The following LRRK2 variants were observed in gnomAD, a reference collection of about 807,000 sequenced individuals.
The protein encoded by LRRK2 is leucine-rich repeat serine/threonine-protein kinase 2.
LRRK2 carries 203 observed loss-of-function variants against 302.6 expected under a neutral mutation model. The observed-to-expected ratio is 0.67, with a 90% CI of 0.60 to 0.75. The LOEUF is 0.75. Among genes scored for constraint, LRRK2 ranks in the 30% least tolerant of loss-of-function variants. The probability of loss-of-function intolerance (pLI) is 0.00; values close to 1 mark genes in which losing one functional copy is unlikely to be tolerated. For missense variants in LRRK2, 2,830 were observed against 2,951.0 expected, an observed-to-expected ratio of 0.96 and a Z score of 0.95; for synonymous variants, 1,066 against 1,031.9, an observed-to-expected ratio of 1.03 and a Z score of -0.63.
intron 29 of LRRK2, 145 bp from the exon 30 acceptor site, chr12:40,308,961 A>G (rs1301065720): frequency 2.0e-6 from 2 of 1,012,180 alleles, no homozygotes; most frequent in Non-Finnish European, 2.9e-6. Flanking sequence ...AAAACCCAGA[A>G]TAGTTCTCTA....
intron 2 of LRRK2, among the ~76,000 whole-genome samples, chr12:40,227,435 A>T (rs1383599854): frequency 2.0e-5 from 3 of 152,150 alleles, no homozygotes; most frequent in Non-Finnish European, 4.4e-5. Flanking sequence ...TGTACACATT[A>T]ACCACCTTCT....
At chr12:40,308,964 G>A (rs895050790) in intron 29 of LRRK2, 142 bp from the exon 30 acceptor site, 9 of 1,028,960 alleles carry the variant, frequency 8.7e-6, no homozygotes, top group Non-Finnish European at 1.3e-5. Flanking sequence ...ACCCAGAATA[G>A]TTCTCTAAAC....
Position 40,257,289 on chromosome 12 carries a change from A to G in LRRK2, c.1330A>G (p.Asn444Asp). The G allele has an allele frequency of 6.3e-7, 1 of 1,596,948 alleles. No homozygotes were observed. The highest frequency in any genetic ancestry group is 8.6e-7 in the Non-Finnish European group (1 of 1,164,622). The change falls in exon 12 of 51, where the codon AAT becomes GAT. Residue 444 changes from asparagine to aspartate, a missense_variant. Physicochemically the swap from Asn to Asp is conservative, Grantham distance 23 (BLOSUM62 1). Around this residue, in one of 3 missense-constraint regions of LRRK2, gnomAD observed 2,121 missense variants for 2,148.0 expected, o/e 0.99. Coordinates refer to ENST00000298910, the MANE Select transcript of LRRK2 (RefSeq NM_198578.4). ...ACTGTTATCAAAAGGAATACACCTG[A>G]ATGTTTTGGAGTTAATGCAGAAGCA... Reference protein sequence around the residue: ...KILLSKGIHLNVLELMQKHIH... With the variant: ...KILLSKGIHLDVLELMQKHIH...
intron 48 of LRRK2, among the ~76,000 whole-genome samples, chr12:40,364,494 C>G (rs1041477353): frequency 6.6e-6 from 1 of 150,522 alleles, no homozygotes; most frequent in Non-Finnish European, 1.5e-5. Flanking sequence ...ATTGAGACTT[C>G]ATGTAAAACT....
chr12:40,319,191 T>C (rs1220496877), intron 33 of LRRK2, among the ~76,000 whole-genome samples: 1 of 152,144 alleles, frequency 6.6e-6, no homozygotes, highest in East Asian at 1.9e-4. Flanking sequence ...ATTTGTCATA[T>C]GTACTTTGCG....
At chr12:40,243,787 T>A (rs961381073) in intron 7 of LRRK2, 106 bp downstream of exon 7, 16 of 1,081,190 alleles carry the variant, frequency 1.5e-5, no homozygotes, top group Non-Finnish European at 1.8e-5. Flanking sequence ...TGACATACTT[T>A]GAATGAAAAT....
chr12:40,247,127 T>C (rs1387806080), intron 7 of LRRK2, among the ~76,000 whole-genome samples: 1 of 152,172 alleles, frequency 6.6e-6, no homozygotes, highest in East Asian at 1.9e-4. Flanking sequence ...AAAAAACTAA[T>C]TGACATGTCT....
chr12:40,314,093 T>C lies in LRRK2; in HGVS notation c.4658T>C (p.Leu1553Ser). 6.2e-7 allele frequency: 1 copy of C among 1,612,824 alleles called. No individual in the cohort carries two copies. The highest frequency in any genetic ancestry group is 8.5e-7 in the Non-Finnish European group (1 of 1,179,074). Residue 1553 changes from leucine to serine, a missense_variant, in exon 32 of 51, where the codon TTA becomes TCA. Physicochemically the swap from Leu to Ser is moderately radical, Grantham distance 145 (BLOSUM62 -2). Coordinates refer to ENST00000298910, the MANE Select transcript of LRRK2 (RefSeq NM_198578.4). ...IEFPVIDRKR[L>S]LQLVRENQLQ... is the part of the protein sequence containing the mutation. ...TTTCCCGTAATTGACCGGAAACGAT[T>C]ATTACAACTAGTGAGAGAAAATCAG...
chr12:40,281,085 A>C (rs1199047861), intron 18 of LRRK2, among the ~76,000 whole-genome samples: 1 of 151,788 alleles, frequency 6.6e-6, no homozygotes, highest in African/African-American at 2.4e-5. Context: ...AAAAAAACAA[A>C]AAACGAACCA....
At chr12:40,326,265 C>A (rs1438538578) in intron 38 of LRRK2, among the ~76,000 whole-genome samples, 1 of 151,966 alleles carries the variant, frequency 6.6e-6, no homozygotes, top group East Asian at 1.9e-4. Flanking sequence ...GAGATCGAGA[C>A]CATCCTGGCT....
intron 38 of LRRK2, among the ~76,000 whole-genome samples, 178 bp from the exon 39 acceptor site, chr12:40,328,182 A>G (rs916060013): frequency 6.6e-6 from 1 of 152,256 alleles, no homozygotes; most frequent in Non-Finnish European, 1.5e-5. Context: ...AAATCTTTAC[A>G]TATATCTTTC....
chr12:40,237,359 A>G (rs909789589), intron 4 of LRRK2, among the ~76,000 whole-genome samples: 1 of 152,250 alleles, frequency 6.6e-6, no homozygotes, highest in South Asian at 2.1e-4. Flanking sequence ...CTGTAGAGCA[A>G]TTAAGCAACT....
chr12:40,349,746 G>A (rs757940438), intron 43 of LRRK2, among the ~76,000 whole-genome samples: 4 of 152,094 alleles, frequency 2.6e-5, no homozygotes, highest in African/African-American at 4.8e-5. Context: ...TGAACTCCTG[G>A]CCTCAAGCAA....
chr12:40,294,860 C>T lies in LRRK2; in HGVS notation c.2824C>T (p.His942Tyr), dbSNP rs1944317504. ...TTTTTAATAGGGGCCCATTTTTGAT[C>T]ATGAAGATTTACTGAAGCGAAAAAG... ...HSNSLGPIFD[H>Y]EDLLKRKRKI... Residue 942 changes from histidine (H) to tyrosine (Y), a missense_variant, in exon 22 of 51, where the codon CAT becomes TAT. Physicochemically the swap from His to Tyr is moderately conservative, Grantham distance 83. Transcript: ENST00000298910. 1.3e-6 allele frequency: 2 copies of T among 1,544,456 alleles called. No individual in the cohort carries two copies. Among genetic ancestry groups the T allele is most frequent in the African/African-American group, 2.7e-5 (2 of 73,622 alleles).
chr12:40,364,825 A>G lies in LRRK2; in HGVS notation c.7182-17A>G. On this transcript the variant is annotated splice_polypyrimidine_tract_variant and intron_variant, in intron 48 of 50. Coordinates refer to ENST00000298910, the MANE Select transcript of LRRK2 (RefSeq NM_198578.4). ...TAATTGGTGGTAAAATTATTAATGT[A>G]TACTTTATGGTTCTAGGGAGGTAAT... is the stretch of plus-strand genomic sequence containing the variant. 2 of 1,564,370 alleles carry G rather than the reference A, an allele frequency of 1.3e-6. No homozygotes were observed. Among genetic ancestry groups the G allele is most frequent in the South Asian group, 1.1e-5 (1 of 89,742 alleles).
At chr12:40,347,690 C>T (rs1318795649) in intron 42 of LRRK2, among the ~76,000 whole-genome samples, 1 of 152,172 alleles carries the variant, frequency 6.6e-6, no homozygotes, top group Non-Finnish European at 1.5e-5. Context: ...CTGCTGGGTA[C>T]AGTGGCTTAC....
At chr12:40,363,954 G>T (rs1946797577) in intron 48 of LRRK2, among the ~76,000 whole-genome samples, 2 of 151,798 alleles carry the variant, frequency 1.3e-5, no homozygotes, top group Non-Finnish European at 1.5e-5. Flanking sequence ...GACAAATATG[G>T]GGGGAAATGC....
chr12:40,247,246 T>C (rs373300398), intron 7 of LRRK2, among the ~76,000 whole-genome samples: 1 of 152,054 alleles, frequency 6.6e-6, no homozygotes, highest in East Asian at 1.9e-4. Context: ...TTAAAATGAA[T>C]TTTTTGTAAG....
chr12:40,297,004 C>G (rs1410990760), intron 23 of LRRK2, among the ~76,000 whole-genome samples: 1 of 152,188 alleles, frequency 6.6e-6, no homozygotes, highest in African/African-American at 2.4e-5. Context: ...TGCTTTCCAC[C>G]TAATTCTCAT....
Sources: gnomAD v4.1 joint callset for allele counts (sites outside exome capture counted in the v4.1 genomes callset) on GRCh38, gnomAD v4.1.1 for gene constraint, gnomAD v4.1.1 regional missense constraint, MANE v1.5 for transcripts, NCBI Gene and HGNC (gene_info 2026-07-23, HGNC 2026-07-21) for gene names.